Variants in ZNF407 observed in about 807,000 individuals in gnomAD.
ZNF407 encodes the protein zinc finger protein 407.
ZNF407 carries 17 observed loss-of-function variants against 131.2 expected under a neutral mutation model. The observed-to-expected ratio is 0.13, with a 90% CI of 0.09 to 0.19. The LOEUF is 0.19. Ranked by LOEUF, ZNF407 falls within the 10% of genes least tolerant of loss-of-function variation. The pLI is 1.00. For synonymous variants in ZNF407, 1,156 were observed against 1,062.0 expected, an observed-to-expected ratio of 1.09 and a Z score of -1.72; for missense variants, 2,681 against 2,830.6, an observed-to-expected ratio of 0.95 and a Z score of 1.20.
intron 8 of ZNF407, among the ~76,000 whole-genome samples, chr18:75,025,950 G>A (rs1205023564): frequency 6.6e-6 from 1 of 152,080 alleles, no homozygotes; most frequent in Non-Finnish European, 1.5e-5. Flanking sequence ...AGATCTGTAA[G>A]GTTTTCAGTT....
chr18:74,701,095 A>G (rs1334382733), intron 3 of ZNF407, among the ~76,000 whole-genome samples: 7 of 152,162 alleles, frequency 4.6e-5, no homozygotes, highest in South Asian at 2.1e-4. Flanking sequence ...TTGTCCTCAC[A>G]TGGCAGAGAG....
rs190875266 is a variant in ZNF407 at position 74,672,510 on chromosome 18, C to T, written c.4802+31388C>T. On this transcript the variant is annotated intron_variant, in intron 3 of 8. Transcript: ENST00000299687. ...GTCTGTTCGTTGGAGCACTGTGTCTCTGTTCGTTGGAGCACCGTTTGTTCA... is the reference window on the plus strand; with the variant it reads ...GTCTGTTCGTTGGAGCACTGTGTCTTTGTTCGTTGGAGCACCGTTTGTTCA... Among the ~76,000 whole-genome samples the T allele has an allele frequency of 2.9e-5, 4 of 136,598 alleles. No homozygotes were observed. In the East Asian group the frequency reaches 8.9e-4, roughly 30 times the overall value. 89.6% of individuals were successfully genotyped at this position (136,598 alleles called of 152,430 possible). A position where few individuals can be genotyped will look rare whatever the true frequency, so the allele number is the denominator to read the frequency against.
At position 74,813,862 on chromosome 18, in the gene ZNF407, G is replaced by A. The variant is rs1970232787; in HGVS notation, c.4877+32360G>A. 2.6e-5 allele frequency among the ~76,000 whole-genome samples: 4 copies of A among 152,272 alleles called. No individual in the cohort carries two copies. The South Asian group carries it at 8.3e-4, about 32-fold the overall frequency. Reference sequence around the variant, plus strand: ...CAGGATCTATATATCCTATCAGGAAGTGGAAATTCCTAATTTTGTAGGGAA... The same window carrying A: ...CAGGATCTATATATCCTATCAGGAAATGGAAATTCCTAATTTTGTAGGGAA... On this transcript the variant is annotated intron_variant, in intron 4 of 8. Coordinates refer to ENST00000299687, the MANE Select transcript of ZNF407 (RefSeq NM_017757.3).
chr18:75,008,477 C>T (rs1972937069), intron 8 of ZNF407, among the ~76,000 whole-genome samples: 1 of 152,152 alleles, frequency 6.6e-6, no homozygotes, highest in Non-Finnish European at 1.5e-5. Context: ...AATGAGCTCC[C>T]AGGTGACAGA....
chr18:74,724,518 C>G (rs893201529), intron 3 of ZNF407, among the ~76,000 whole-genome samples: 1 of 152,124 alleles, frequency 6.6e-6, no homozygotes, highest in African/African-American at 2.4e-5. Context: ...CTGCTCTCTA[C>G]TTCCATGAGA....
At chr18:74,778,268 C>T (rs201798759) in intron 3 of ZNF407, among the ~76,000 whole-genome samples, 193 of 152,252 alleles carry the variant, frequency 1.3e-3, no homozygotes, top group Non-Finnish European at 2.1e-3. Flanking sequence ...TGAATTGAGA[C>T]TCTGCCTTCA....
intron 8 of ZNF407, among the ~76,000 whole-genome samples, chr18:75,019,859 A>G (rs1164161438): frequency 6.6e-6 from 1 of 152,072 alleles, no homozygotes; most frequent in African/African-American, 2.4e-5. Flanking sequence ...GGTGATACAC[A>G]CTTTTGAACA....
At chr18:74,764,935 C>T (rs1002828595) in intron 3 of ZNF407, among the ~76,000 whole-genome samples, 7 of 152,070 alleles carry the variant, frequency 4.6e-5, no homozygotes, top group African/African-American at 1.7e-4. Context: ...AGTCTTCATT[C>T]TCATTATCTT....
intron 3 of ZNF407, among the ~76,000 whole-genome samples, chr18:74,759,626 A>C (rs1969046345): frequency 6.6e-6 from 1 of 151,850 alleles, no homozygotes; most frequent in African/African-American, 2.4e-5. Flanking sequence ...TTCTTCTGCC[A>C]GTTCAAATCT....
chr18:74,956,745 G>A (rs909613821), intron 8 of ZNF407, among the ~76,000 whole-genome samples: 1 of 152,166 alleles, frequency 6.6e-6, no homozygotes, highest in Admixed American at 6.5e-5. Context: ...GGCTGCTGGG[G>A]TGGATGTAGT....
At chr18:74,735,214 C>T (rs1258289094) in intron 3 of ZNF407, among the ~76,000 whole-genome samples, 3 of 152,094 alleles carry the variant, frequency 2.0e-5, no homozygotes, top group Non-Finnish European at 4.4e-5. Context: ...GCTTTCGATG[C>T]CCTTCTTTTA....
intron 7 of ZNF407, chr18:74,905,337 C>T (rs986965793): frequency 2.0e-5 from 3 of 152,224 alleles, no homozygotes; most frequent in Non-Finnish European, 2.9e-5. Context: ...TGCTCCCAGA[C>T]GTTTAGAAAA....
At chr18:74,941,829 A>G (rs1452300011) in intron 8 of ZNF407, among the ~76,000 whole-genome samples, 1 of 152,224 alleles carries the variant, frequency 6.6e-6, no homozygotes, top group Non-Finnish European at 1.5e-5. Context: ...TTATTCGTTG[A>G]GGATTGTTTT....
In ZNF407 at chr18:74,634,148, G is replaced by A. The variant is rs972012952; in HGVS notation, c.3129G>A (p.Glu1043=). The A allele has an allele frequency of 1.1e-5, 17 of 1,613,894 alleles. No homozygotes were observed. The highest frequency in any genetic ancestry group is 1.4e-5 in the Non-Finnish European group (16 of 1,179,890). The change falls in exon 2 of 9, where the codon GAG becomes GAA. Residue 1043 remains glutamate, a synonymous_variant. Coordinates refer to ENST00000299687, the MANE Select transcript of ZNF407 (RefSeq NM_017757.3). ...ELHVKRKHTK[E]FEFYCMACDY... ...ATGTAAAACGGAAACATACAAAAGA[G>A]TTTGAGTTTTATTGCATGGCATGCG...
intron 4 of ZNF407, among the ~76,000 whole-genome samples, chr18:74,793,459 G>T: frequency 6.6e-6 from 1 of 152,256 alleles, no homozygotes; most frequent in Non-Finnish European, 1.5e-5. Context: ...TGTAAACAAA[G>T]AAAAAGTGAT....
At chr18:74,902,083 G>C (rs2145209613) in intron 7 of ZNF407, among the ~76,000 whole-genome samples, 1 of 152,300 alleles carries the variant, frequency 6.6e-6, no homozygotes, top group Admixed American at 6.5e-5. Flanking sequence ...AAGGTGATAA[G>C]GCAGAGTAAT....
chr18:74,614,977 T>G (rs1000725180), intron 1 of ZNF407, among the ~76,000 whole-genome samples: 1 of 152,214 alleles, frequency 6.6e-6, no homozygotes, highest in African/African-American at 2.4e-5. Context: ...GCAGACTCCC[T>G]TGCAGCTAAG....
intron 6 of ZNF407, among the ~76,000 whole-genome samples, chr18:74,889,261 GCA>G: frequency 7.1e-6 from 1 of 140,596 alleles, no homozygotes; most frequent in Non-Finnish European, 1.5e-5. Context: ...CTGCCATTAA[GCA>G]CTGCGTAGCT....
chr18:74,746,482 A>G (rs923406931), intron 3 of ZNF407, among the ~76,000 whole-genome samples: 4 of 152,152 alleles, frequency 2.6e-5, no homozygotes, highest in Admixed American at 6.6e-5. Flanking sequence ...CAAATATTCC[A>G]TAGCTGTTCA....
Sources: gnomAD v4.1 joint callset for allele counts (sites outside exome capture counted in the v4.1 genomes callset) on GRCh38, gnomAD v4.1.1 for gene constraint, MANE v1.5 for transcripts, NCBI Gene and HGNC (gene_info 2026-07-23, HGNC 2026-07-21) for gene names.